Variants in NAV3 observed in about 807,000 individuals in gnomAD.
The protein encoded by NAV3 is pore membrane and/or filament interacting like protein 1.
A neutral mutation model predicts 244.7 loss-of-function variants in NAV3; 87 were observed. That is an observed-to-expected ratio of 0.36 (90% CI 0.30 to 0.42). NAV3 has a LOEUF of 0.42. Ranked by LOEUF, NAV3 falls within the 20% of genes least tolerant of loss-of-function variation. The pLI, the probability that NAV3 is intolerant of heterozygous loss-of-function variation, is 1.00. For missense variants in NAV3, 2,663 were observed against 2,893.3 expected (o/e 0.92, Z 1.83); for synonymous variants, 1,126 against 1,042.2 (o/e 1.08, Z -1.55).
chr12:78,149,851 A>T (rs951741938), intron 22 of NAV3, among the ~76,000 whole-genome samples: 23 of 151,980 alleles, frequency 1.5e-4, no homozygotes, highest in African/African-American at 5.1e-4. Flanking sequence ...CCATTTTTAA[A>T]TTTTTTTTAA....
intron 2 of NAV3, among the ~76,000 whole-genome samples, chr12:77,671,111 T>C (rs1873951674): frequency 6.6e-6 from 1 of 152,068 alleles, no homozygotes; most frequent in South Asian, 2.1e-4. Flanking sequence ...AAAATTCATG[T>C]ATACAAATCA....
At chr12:78,184,554 G>A (rs1409385327) in intron 30 of NAV3, among the ~76,000 whole-genome samples, 1 of 151,732 alleles carries the variant, frequency 6.6e-6, no homozygotes, top group Non-Finnish European at 1.5e-5. Flanking sequence ...TCTGAAAGTT[G>A]TTTTTAATTG....
intron 7 of NAV3, among the ~76,000 whole-genome samples, chr12:78,002,112 T>C (rs1173137928): frequency 6.6e-6 from 1 of 152,224 alleles, no homozygotes; most frequent in Non-Finnish European, 1.5e-5. Context: ...AAATCATTCT[T>C]TTGTTTTACA....
At chr12:77,708,171 C>T (rs1875924527) in intron 2 of NAV3, among the ~76,000 whole-genome samples, 1 of 152,142 alleles carries the variant, frequency 6.6e-6, no homozygotes, top group Non-Finnish European at 1.5e-5. Context: ...AAGTTTTCTT[C>T]TAGGGTTTTT....
Position 78,051,051 on chromosome 12 carries a change from G to C in NAV3, c.2420G>C (p.Ser807Thr), listed in dbSNP as rs749074849. 1 of 1,614,194 alleles carries C rather than the reference G, an allele frequency of 6.2e-7. No individual in the cohort carries two copies. The highest frequency in any genetic ancestry group is 8.5e-7 in the Non-Finnish European group (1 of 1,180,026). Residue 807 changes from serine (S) to threonine (T), a missense_variant, in exon 11 of 40, where the codon AGT becomes ACT. This residue lies in a region of NAV3 where 1,521 missense variants were observed against 1,497.0 expected (regional missense o/e 1.02). Transcript: ENST00000397909. ...ATTGACATGAGTGAGAAAGCAAGCA[G>C]TGACCTGGACATGTCTTCTGAGGTC... ...SQIDMSEKAS[S>T]DLDMSSEVDV...
intron 18 of NAV3, 38 bp from the exon 19 acceptor site, chr12:78,137,139 G>T: frequency 6.4e-7 from 1 of 1,556,080 alleles, no homozygotes; most frequent in Admixed American, 1.9e-5. Context: ...CATCTTTCAA[G>T]CTTAAGAGTA....
At chr12:77,837,851 C>T (rs980066148) in intron 1 of NAV3, among the ~76,000 whole-genome samples, 1 of 152,232 alleles carries the variant, frequency 6.6e-6, no homozygotes, top group African/African-American at 2.4e-5. Flanking sequence ...ATGGTCTCTA[C>T]TGCATTGTTT....
At chr12:78,012,041 A>T (rs978029772) in intron 8 of NAV3, among the ~76,000 whole-genome samples, 5 of 152,140 alleles carry the variant, frequency 3.3e-5, no homozygotes, top group Admixed American at 3.3e-4. Context: ...ACACATGGGG[A>T]TTACAATTCA....
At position 77,702,010 on chromosome 12, in the gene NAV3, C is replaced by A. The variant is rs897952532; in HGVS notation, c.72+129744C>A. 1.1e-4 allele frequency among the ~76,000 whole-genome samples: 17 copies of A among 151,906 alleles called. 1 individual carries two copies. The highest frequency in any genetic ancestry group is 1.5e-5 in the Non-Finnish European group (1 of 67,856). ...CAAATTGGTTCATTCTTTCTTATAG[C>A]TTTATTGATTTTTCTAGTTGTGTTA... On this transcript the variant is annotated intron_variant, in intron 2 of 8. Coordinates refer to the NAV3 transcript ENST00000550042.
chr12:78,136,061 T>C (rs1474805652), intron 18 of NAV3, among the ~76,000 whole-genome samples: 1 of 152,124 alleles, frequency 6.6e-6, no homozygotes, highest in Non-Finnish European at 1.5e-5. Flanking sequence ...TACCTCTGGG[T>C]TTACTTTTCC....
In NAV3 at chr12:77,914,651, T is replaced by C. The variant is rs73142079; in HGVS notation, c.244-25668T>C. 9.8e-3 allele frequency among the ~76,000 whole-genome samples: 1,498 copies of C among 152,138 alleles called. 18 individuals carry two copies. Among genetic ancestry groups the C allele is most frequent in the South Asian group, 0.032 (153 of 4,826 alleles). Reference sequence around the variant, plus strand: ...TTCACCCCCTTTCATGATTATGGAGTGACAATACATGTAGTTTTGTCTAGT... The same window carrying C: ...TTCACCCCCTTTCATGATTATGGAGCGACAATACATGTAGTTTTGTCTAGT... On this transcript the variant is annotated intron_variant, in intron 1 of 39. Transcript: ENST00000397909.
chr12:77,817,630 G>T (rs1164802626), intron 2 of NAV3, among the ~76,000 whole-genome samples: 4 of 151,842 alleles, frequency 2.6e-5, no homozygotes, highest in East Asian at 1.9e-4. Context: ...TCTTAACACT[G>T]CCAGATGTGT....
chr12:77,938,531 T>G (rs1889550358), intron 1 of NAV3, among the ~76,000 whole-genome samples: 1 of 152,176 alleles, frequency 6.6e-6, no homozygotes, highest in Non-Finnish European at 1.5e-5. Flanking sequence ...CCACCAGATA[T>G]GTACTAGTCT....
chr12:78,007,243 A>G lies in NAV3; in HGVS notation c.1705A>G (p.Ile569Val), dbSNP rs376491041. The G allele has an allele frequency of 2.5e-6, 4 of 1,614,210 alleles. No individual in the cohort carries two copies. Among genetic ancestry groups the G allele is most frequent in the Non-Finnish European group, 3.4e-6 (4 of 1,180,030 alleles). The change falls in exon 8 of 40, where the codon ATA becomes GTA. Residue 569 changes from isoleucine (I) to valine (V), a missense_variant. Ile to Val is a conservative substitution (Grantham distance 29). This residue lies in a region of NAV3 where 1,521 missense variants were observed against 1,497.0 expected (regional missense o/e 1.02). Coordinates refer to ENST00000397909, the MANE Select transcript of NAV3 (RefSeq NM_001024383.2). ...GSPSQSLSKP[I>V]TMEKASASSC... is the part of the protein sequence containing the mutation. ...CCCTTCCCAGTCCTTATCTAAGCCT[A>G]TAACCATGGAGAAAGCAAGTGCTTC...
At chr12:77,827,683 C>T (rs1002239392), upstream of NAV3, among the ~76,000 whole-genome samples, 1 of 152,148 alleles carries the variant, frequency 6.6e-6, no homozygotes, top group African/African-American at 2.4e-5. Context: ...ACTGTATTTC[C>T]TGTAACATTT....
intron 2 of NAV3, among the ~76,000 whole-genome samples, chr12:77,749,773 CTGCTGTCTTTGG>C (rs1231534035): frequency 6.6e-5 from 10 of 152,174 alleles, no homozygotes; most frequent in Non-Finnish European, 1.3e-4. Flanking sequence ...GCAGGTTGTG[CTGCTGTCTTTGG>C]GCCATATTTT....
At chr12:77,742,074 T>C (rs1285069186) in intron 2 of NAV3, among the ~76,000 whole-genome samples, 1 of 152,134 alleles carries the variant, frequency 6.6e-6, no homozygotes, top group Non-Finnish European at 1.5e-5. Context: ...TAATATCTTA[T>C]TGCTTATTTT....
At chr12:77,735,064 G>A (rs1000855898) in intron 2 of NAV3, among the ~76,000 whole-genome samples, 2 of 152,138 alleles carry the variant, frequency 1.3e-5, no homozygotes, top group Non-Finnish European at 2.9e-5. Context: ...AATATACTGT[G>A]TATAGGCTCT....
At chr12:78,103,317 A>G (rs1184451243) in intron 12 of NAV3, among the ~76,000 whole-genome samples, 1 of 152,138 alleles carries the variant, frequency 6.6e-6, no homozygotes, top group East Asian at 1.9e-4. Flanking sequence ...CCTTTGCTCC[A>G]GTTCTCAGCA....
Sources: allele counts gnomAD v4.1 joint callset (sites outside exome capture counted in the v4.1 genomes callset), GRCh38; gene constraint gnomAD v4.1.1; regional missense constraint gnomAD v4.1.1; transcripts MANE v1.5; gene names NCBI Gene and HGNC (gene_info 2026-07-23, HGNC 2026-07-21).